The following ZC3H6 variants were observed in gnomAD, a reference collection of about 807,000 sequenced individuals.
ZC3H6 encodes zinc finger CCCH-type containing 6.
Under a neutral mutation model 107.7 loss-of-function variants are expected in ZC3H6, and 40 were observed. That is an observed-to-expected ratio of 0.37 (90% confidence interval 0.29 to 0.48). The LOEUF is 0.48. Ranked by LOEUF, ZC3H6 falls within the 20% of genes least tolerant of loss-of-function variation. The pLI is 0.98. For synonymous variants in ZC3H6, 493 were observed against 487.9 expected (o/e 1.01, Z -0.14); for missense variants, 1,267 against 1,410.4 (o/e 0.90, Z 1.63).
In ZC3H6 at chr2:112,299,931, A is replaced by G. The variant is rs771337047; in HGVS notation, c.115A>G (p.Lys39Glu). ...IQEKEAKENE[K>E]QKSEKAYRKS... is the part of the protein sequence containing the mutation. ...AGAAAAAGAAGCAAAAGAGAATGAA[A>G]AGCAGAAAAGTGAGAAAGCCTACAG... Residue 39 changes from lysine to glutamate, a missense_variant, in exon 2 of 12, where the codon AAG becomes GAG. Lys to Glu is a moderately conservative substitution (Grantham distance 56, BLOSUM62 1). Coordinates refer to ENST00000409871, the MANE Select transcript of ZC3H6 (RefSeq NM_198581.3). 1 of 1,517,494 alleles carries G rather than the reference A, an allele frequency of 6.6e-7. No homozygotes were observed. Among genetic ancestry groups the G allele is most frequent in the African/African-American group, 1.4e-5 (1 of 71,162 alleles). The allele number at this position is 1,517,494 out of a possible 1,614,324, so 94.0% of individuals were successfully genotyped here. A position where few individuals can be genotyped will look rare whatever the true frequency, so the allele number is the denominator to read the frequency against.
intron 1 of ZC3H6, among the ~76,000 whole-genome samples, chr2:112,283,225 A>G (rs1344421409): frequency 6.6e-6 from 1 of 152,188 alleles, no homozygotes; most frequent in Non-Finnish European, 1.5e-5. Flanking sequence ...GACAGTAGTC[A>G]TTAAGTGACT....
chr2:112,288,567 G>A lies in ZC3H6; in HGVS notation c.33-11282G>A, dbSNP rs1385759993. On this transcript the variant is annotated intron_variant, in intron 1 of 11. Transcript: ENST00000409871. ...GCATAATTTGTTCATGTTCATATAGGTAGTACTTTGGGAAGCAGAATTTGA... is the reference window on the plus strand; with the variant it reads ...GCATAATTTGTTCATGTTCATATAGATAGTACTTTGGGAAGCAGAATTTGA... Among the ~76,000 whole-genome samples the A allele has an allele frequency of 3.3e-5, 5 of 152,204 alleles. No homozygotes were observed. The East Asian group carries it at 9.6e-4, about 29-fold the overall frequency.
intron 1 of ZC3H6, among the ~76,000 whole-genome samples, chr2:112,293,892 A>G (rs899975203): frequency 3.3e-5 from 5 of 152,192 alleles, no homozygotes; most frequent in Non-Finnish European, 5.9e-5. Context: ...ACTGAAACTA[A>G]ACGGGACCAC....
intron 3 of ZC3H6, among the ~76,000 whole-genome samples, chr2:112,308,528 T>G (rs1028370489): frequency 6.6e-6 from 1 of 150,378 alleles, no homozygotes; most frequent in Non-Finnish European, 1.5e-5. Flanking sequence ...CCTCCTGGAT[T>G]CAAGCAGTTC....
chr2:112,311,701 A>C (rs1486254346), intron 4 of ZC3H6, 103 bp from the exon 5 acceptor site: 6 of 956,442 alleles, frequency 6.3e-6, no homozygotes, highest in Admixed American at 3.3e-5. Context: ...AAAAGAATGC[A>C]CTGTATATTA....
intron 1 of ZC3H6, among the ~76,000 whole-genome samples, chr2:112,289,654 C>T (rs1333279892): frequency 6.6e-6 from 1 of 152,182 alleles, no homozygotes; most frequent in African/African-American, 2.4e-5. Context: ...TTATCTGGGA[C>T]CCTGAAATGA....
intron 9 of ZC3H6, 63 bp downstream of exon 9, chr2:112,322,965 T>G (rs1676833727): frequency 4.8e-6 from 7 of 1,462,840 alleles, no homozygotes; most frequent in African/African-American, 1.4e-5. Flanking sequence ...ATTAAGAAAC[T>G]AAGTCATACT....
rs554957986 is a variant in ZC3H6 at position 112,322,111 on chromosome 2, TCTTCCCTCCTTCCCTCCTTCCCTC to T, written c.1086+260_1086+283del. On this transcript the variant is annotated intron_variant, in intron 8 of 11. Coordinates refer to ENST00000409871, the MANE Select transcript of ZC3H6 (RefSeq NM_198581.3). ...TTCTCTCCCCCTTCCCTCCTTCCCG[TCTTCCCTCCTTCCCTCCTTCCCTC>T]CTTCCCTCCTTCCTTCCTCCCTCCC... 2.8e-5 allele frequency among the ~76,000 whole-genome samples: 4 copies of T among 144,108 alleles called. No individual in the cohort carries two copies. The South Asian group carries it at 9.6e-4, about 35-fold the overall frequency. 94.5% of individuals were successfully genotyped at this position (144,108 alleles called of 152,430 possible).
At chr2:112,310,879 T>C (rs1437930348) in intron 4 of ZC3H6, among the ~76,000 whole-genome samples, 1 of 152,230 alleles carries the variant, frequency 6.6e-6, no homozygotes, top group Non-Finnish European at 1.5e-5. Flanking sequence ...ATTTGGTTAT[T>C]TCTATGACTT....
rs1040022917 is a variant in ZC3H6 at position 112,318,608 on chromosome 2, TA to T, written c.976+1283del. ...TGCAGCTGTGTCACGTTTGCAAAAA[TA>T]AAAAAATCGTGACAGTGAAGTTTGT... is the stretch of plus-strand genomic sequence containing the variant. On this transcript the variant is annotated intron_variant, in intron 7 of 11. Transcript: ENST00000409871. Among the ~76,000 whole-genome samples the T allele has an allele frequency of 1.2e-4, 18 of 152,160 alleles. No individual in the cohort carries two copies. The South Asian group carries it at 3.7e-3, about 32-fold the overall frequency.
intron 7 of ZC3H6, among the ~76,000 whole-genome samples, chr2:112,319,693 T>C (rs1424022002): frequency 1.3e-5 from 2 of 151,794 alleles, no homozygotes; most frequent in African/African-American, 4.8e-5. Flanking sequence ...AGAATAGGTA[T>C]GGAAATATTT....
chr2:112,294,429 C>A (rs576328918), intron 1 of ZC3H6, among the ~76,000 whole-genome samples: 73 of 152,298 alleles, frequency 4.8e-4, no homozygotes, highest in African/African-American at 1.7e-3. Context: ...CAAAGAAATC[C>A]TAGAGATTCT....
At chr2:112,277,020 A>G (rs1374412437) in intron 1 of ZC3H6, among the ~76,000 whole-genome samples, 3 of 106,482 alleles carry the variant, frequency 2.8e-5, no homozygotes, top group Non-Finnish European at 5.1e-5. Context: ...ATCTGTAGTA[A>G]TGTGATCGGC....
intron 1 of ZC3H6, among the ~76,000 whole-genome samples, chr2:112,279,457 C>A (rs112727173): frequency 0.037 from 5,702 of 152,236 alleles, 158 homozygotes; most frequent in African/African-American, 0.063. Context: ...TTAGCATGAA[C>A]CTTTTAAGAG....
At chr2:112,321,271 C>G (rs1676795377) in intron 7 of ZC3H6, among the ~76,000 whole-genome samples, 1 of 151,764 alleles carries the variant, frequency 6.6e-6, no homozygotes, top group Admixed American at 6.6e-5. Context: ...AATATAAGCT[C>G]TTGCTACAAA....
chr2:112,299,599 A>G (rs1420105857), intron 1 of ZC3H6, among the ~76,000 whole-genome samples: 1 of 152,336 alleles, frequency 6.6e-6, no homozygotes, highest in South Asian at 2.1e-4. Context: ...GAGGTTTGCA[A>G]ACTTCGGCTG....
rs1573970282 is a variant in ZC3H6 at position 112,337,593 on chromosome 2, G to T, written c.*5105G>T. ...CGCCTCAACCTCCAAAAGTGTTGGG[G>T]TTACAGGCGTGAGCCACCGTGCTCA... On this transcript the variant is annotated 3_prime_UTR_variant, in exon 12 of 12. Transcript: ENST00000409871. The T allele has an allele frequency of 6.6e-6, 1 of 152,072 alleles. No individual in the cohort carries two copies. Among genetic ancestry groups the T allele is most frequent in the South Asian group, 2.1e-4 (1 of 4,822 alleles). 9.4% of individuals were successfully genotyped at this position (152,072 alleles called of 1,614,324 possible). A position where few individuals can be genotyped will look rare whatever the true frequency, so the allele number is the denominator to read the frequency against.
intron 1 of ZC3H6, among the ~76,000 whole-genome samples, chr2:112,281,548 A>G (rs1418970490): frequency 6.6e-6 from 1 of 152,246 alleles, no homozygotes; most frequent in Non-Finnish European, 1.5e-5. Flanking sequence ...GATTGGTTTT[A>G]GAACCAATAG....
rs1677192360 is a variant in ZC3H6 at position 112,338,901 on chromosome 2, ATATATATATATAAT to A, written c.*6415_*6428del. ...TATATATATATATATATATATATATATATATATATATAATTTTTTTTTTTTGAGACGGAGTCTTG... is the reference window on the plus strand; with the variant it reads ...TATATATATATATATATATATATATATTTTTTTTTTTGAGACGGAGTCTTG... On this transcript the variant is annotated 3_prime_UTR_variant, in exon 12 of 12. Coordinates refer to ENST00000409871, the MANE Select transcript of ZC3H6 (RefSeq NM_198581.3). 1 of 65,532 alleles carries A rather than the reference ATATATATATATAAT, an allele frequency of 1.5e-5. No homozygotes were observed. Among genetic ancestry groups the A allele is most frequent in the Non-Finnish European group, 2.9e-5 (1 of 34,722 alleles). 4.1% of individuals were successfully genotyped at this position (65,532 alleles called of 1,614,324 possible).
Sources: allele counts gnomAD v4.1 joint callset (sites outside exome capture counted in the v4.1 genomes callset), GRCh38; gene constraint gnomAD v4.1.1; transcripts MANE v1.5; gene names NCBI Gene and HGNC (gene_info 2026-07-23, HGNC 2026-07-21).